The following CAMK4 variants were observed in gnomAD, a reference collection of about 807,000 sequenced individuals.
CAMK4 encodes calcium/calmodulin-dependent protein kinase type IV.
Under a neutral mutation model 44.9 loss-of-function variants are expected in CAMK4, and 22 were observed. The observed-to-expected ratio is 0.49, with a 90% CI of 0.35 to 0.70. The LOEUF is 0.70. CAMK4 is among the 30% of genes least tolerant of loss of function. The pLI is 0.01. For synonymous variants in CAMK4, 218 were observed against 215.4 expected (o/e 1.01, Z -0.11); for missense variants, 498 against 586.8 (o/e 0.85, Z 1.56).
chr5:111,351,989 A>G (rs1215032086), intron 2 of CAMK4, among the ~76,000 whole-genome samples: 2 of 152,102 alleles, frequency 1.3e-5, no homozygotes, highest in Non-Finnish European at 2.9e-5. Flanking sequence ...AATTCAAAAG[A>G]GTAGAGAGGA....
chr5:111,374,861 A>T lies in CAMK4; in HGVS notation c.252A>T (p.Lys84Asn), dbSNP rs1198463646. Reference protein sequence around the residue: ...LKVLKKTVDKKIVRTEIGVLL... With the variant: ...LKVLKKTVDKNIVRTEIGVLL... ...ATTTTGCCTTTTAGGTGGACAAAAA[A>T]ATCGTAAGAACTGAGATAGGAGTTC... The change falls in exon 3 of 11, where the codon AAA (lysine) becomes AAT (asparagine). Residue 84 changes from lysine to asparagine, a missense_variant. Transcript: ENST00000282356. 1 of 1,610,956 alleles carries T rather than the reference A, an allele frequency of 6.2e-7. No individual in the cohort carries two copies. The highest frequency in any genetic ancestry group is 1.7e-5 in the Admixed American group (1 of 59,954).
intron 5 of CAMK4, among the ~76,000 whole-genome samples, chr5:111,420,861 G>A (rs1320604258): frequency 3.9e-5 from 6 of 152,140 alleles, no homozygotes; most frequent in African/African-American, 1.2e-4. Context: ...TTTTTTCAAG[G>A]TGCCCAGATT....
chr5:111,482,213 T>C lies in CAMK4; in HGVS notation c.829-572T>C, dbSNP rs1755457705. ...TAGGCAAATCATGCCCTCAAGCCAC[T>C]GACTTCTTGGATTATAAAATGATTT... On this transcript the variant is annotated intron_variant, in intron 9 of 10. Coordinates refer to ENST00000282356, the MANE Select transcript of CAMK4 (RefSeq NM_001744.6). This position sits in a 1 kb window ranked among gnomAD's most constrained non-coding sequence, Gnocchi z 4.9. 1 of 152,240 alleles carries C rather than the reference T, an allele frequency of 6.6e-6. No individual in the cohort carries two copies. Among genetic ancestry groups the C allele is most frequent in the Non-Finnish European group, 1.5e-5 (1 of 68,048 alleles). 9.4% of individuals were successfully genotyped at this position (152,240 alleles called of 1,614,324 possible). A position where few individuals can be genotyped will look rare whatever the true frequency, so the allele number is the denominator to read the frequency against.
chr5:111,418,107 T>G (rs1451559822), intron 5 of CAMK4, among the ~76,000 whole-genome samples: 2 of 152,160 alleles, frequency 1.3e-5, no homozygotes, highest in East Asian at 3.9e-4. Flanking sequence ...CTTTTCTGTT[T>G]TCCTTAAGCG....
chr5:111,464,368 T>A (rs1039694571), intron 7 of CAMK4, among the ~76,000 whole-genome samples: 12 of 152,114 alleles, frequency 7.9e-5, no homozygotes, highest in African/African-American at 2.7e-4. Context: ...AAATAATGGA[T>A]GTTTCTAAGG....
intron 2 of CAMK4, among the ~76,000 whole-genome samples, chr5:111,359,005 A>T (rs1177713279): frequency 6.6e-6 from 1 of 152,232 alleles, no homozygotes; most frequent in Middle Eastern, 3.4e-3. Flanking sequence ...AATTCTATGT[A>T]TTAGCTAGTG....
intron 4 of CAMK4, among the ~76,000 whole-genome samples, chr5:111,382,485 T>C (rs1290700756): frequency 6.6e-6 from 1 of 152,202 alleles, no homozygotes; most frequent in Non-Finnish European, 1.5e-5. Flanking sequence ...TGTAATTATC[T>C]AATGAGTGAT....
rs1344550277 is a variant in CAMK4, at chr5:111,493,350, G to C, written c.*8884G>C. ...GCCAGGTCTCCACTGACAAAACAGA[G>C]TAAATGATAGTATGACAGATAATTT... On this transcript the variant is annotated 3_prime_UTR_variant, in exon 11 of 11. Coordinates refer to ENST00000282356, the MANE Select transcript of CAMK4 (RefSeq NM_001744.6). This position sits in a 1 kb window ranked among gnomAD's most constrained non-coding sequence, Gnocchi z 4.1. The C allele has an allele frequency of 6.6e-6, 1 of 152,152 alleles. No homozygotes were observed. The highest frequency in any genetic ancestry group is 2.4e-5 in the African/African-American group (1 of 41,438). The allele number at this position is 152,152 out of a possible 1,614,324, so 9.4% of individuals were successfully genotyped here.
upstream of CAMK4, chr5:111,224,367 C>G: frequency 7.5e-7 from 1 of 1,340,054 alleles, no homozygotes; most frequent in Non-Finnish European, 9.6e-7. The surrounding 1 kb of genome is among the most constrained non-coding windows in gnomAD (Gnocchi z 5.7). Flanking sequence ...CGTGTGCGCG[C>G]GTGAAGGACG....
chr5:111,285,984 C>A (rs777270989), intron 1 of CAMK4, among the ~76,000 whole-genome samples: 12 of 152,112 alleles, frequency 7.9e-5, no homozygotes, highest in African/African-American at 2.4e-5. Flanking sequence ...GCTGCCATCA[C>A]CCAAGCTTAG....
rs372604328 is a variant in CAMK4, at chr5:111,410,363, G to A, written c.459+15581G>A. Among the ~76,000 whole-genome samples, 41 of 152,244 alleles carry A rather than the reference G, an allele frequency of 2.7e-4. No homozygotes were observed. In the South Asian group the frequency reaches 5.8e-3, roughly 22 times the overall value. On this transcript the variant is annotated intron_variant, in intron 5 of 10. Coordinates refer to ENST00000282356, the MANE Select transcript of CAMK4 (RefSeq NM_001744.6). ...TCTCATGAGACTTATTCGCTACCAC[G>A]AGAACAGTATGGGGAACTGCCCCCA...
chr5:111,477,922 A>G (rs533040031), intron 8 of CAMK4, among the ~76,000 whole-genome samples: 1 of 152,186 alleles, frequency 6.6e-6, no homozygotes, highest in African/African-American at 2.4e-5. Context: ...CCACTTTTTA[A>G]TTTCTTTACT....
intron 7 of CAMK4, among the ~76,000 whole-genome samples, chr5:111,468,283 T>G (rs964967508): frequency 6.6e-6 from 1 of 152,108 alleles, no homozygotes; most frequent in Middle Eastern, 3.2e-3. Flanking sequence ...AAATTTTCAA[T>G]GTGACCAAAC....
chr5:111,248,998 G>T (rs532636370), intron 1 of CAMK4, among the ~76,000 whole-genome samples: 123 of 152,218 alleles, frequency 8.1e-4, no homozygotes, highest in African/African-American at 2.9e-3. Context: ...TGTTTGCATG[G>T]ATGTTTTTAA....
At chr5:111,380,845 C>G (rs912764382) in intron 4 of CAMK4, among the ~76,000 whole-genome samples, 3 of 152,144 alleles carry the variant, frequency 2.0e-5, no homozygotes, top group Admixed American at 2.0e-4. Context: ...GGTTAACAAA[C>G]AGATCATTTT....
At chr5:111,474,768 G>T (rs1298124201) in intron 8 of CAMK4, among the ~76,000 whole-genome samples, 1 of 152,160 alleles carries the variant, frequency 6.6e-6, no homozygotes, top group Non-Finnish European at 1.5e-5. Flanking sequence ...ATGGTTGATC[G>T]CCAAGACAGA....
intron 8 of CAMK4, among the ~76,000 whole-genome samples, chr5:111,476,889 CT>C (rs1755264915): frequency 6.6e-6 from 1 of 152,148 alleles, no homozygotes; most frequent in South Asian, 2.1e-4. Flanking sequence ...CAAAAAGTCA[CT>C]GATAGGAATG....
At position 111,296,808 on chromosome 5, in the gene CAMK4, C is replaced by T. The variant is rs1400798874; in HGVS notation, c.162-47216C>T. Among the ~76,000 whole-genome samples the T allele has an allele frequency of 2.0e-5, 3 of 152,184 alleles. No individual in the cohort carries two copies. In the East Asian group the frequency reaches 5.8e-4, roughly 29 times the overall value. On this transcript the variant is annotated intron_variant, in intron 1 of 10. Transcript: ENST00000282356. ...TGAGCCAAATGCCTGCAGAGCCAGA[C>T]ACTTCTGATTCAGTAGCAGCAGTTC...
intron 1 of CAMK4, among the ~76,000 whole-genome samples, chr5:111,264,269 G>A (rs1750130379): frequency 1.3e-5 from 2 of 152,170 alleles, no homozygotes; most frequent in South Asian, 4.1e-4. Context: ...TCTTGGTGCA[G>A]CAGTGGCTCT....
Sources: gnomAD v4.1 joint callset for allele counts (sites outside exome capture counted in the v4.1 genomes callset) on GRCh38, gnomAD v4.1.1 for gene constraint, Gnocchi (gnomAD v3.1) non-coding constraint, MANE v1.5 for transcripts, NCBI Gene and HGNC (gene_info 2026-07-23, HGNC 2026-07-21) for gene names.